TTC34: variants seen among roughly 807,000 people sequenced by gnomAD.
The protein encoded by TTC34 is tetratricopeptide repeat domain 34.
TTC34 carries 44 observed loss-of-function variants against 40.7 expected under a neutral mutation model. The observed-to-expected ratio is 1.08, with a 90% CI of 0.85 to 1.39. The LOEUF is 1.39. Among genes scored for constraint, TTC34 ranks in the 40% most tolerant of loss-of-function variants. The pLI, the probability that TTC34 is intolerant of heterozygous loss-of-function variation, is 0.00. For synonymous variants in TTC34, 422 were observed against 398.6 expected, an observed-to-expected ratio of 1.06 and a Z score of -0.70; for missense variants, 884 against 838.0, an observed-to-expected ratio of 1.05 and a Z score of -0.68.
intron 6 of TTC34, among the ~76,000 whole-genome samples, chr1:2,778,071 C>A (rs1643357504): frequency 6.6e-6 from 1 of 152,208 alleles, no homozygotes. Flanking sequence ...CCCAGGCTGG[C>A]ACAGAAGTCA....
chr1:2,700,664 G>A (rs928464590), intron 6 of TTC34, among the ~76,000 whole-genome samples: 1 of 121,552 alleles, frequency 8.2e-6, no homozygotes, highest in African/African-American at 2.7e-5. Flanking sequence ...CACACCCCAG[G>A]CAAAAATCTG....
intron 6 of TTC34, among the ~76,000 whole-genome samples, chr1:2,685,222 T>G (rs1437232531): frequency 2.4e-5 from 3 of 127,402 alleles, no homozygotes; most frequent in East Asian, 2.5e-4. Context: ...TCTGACATCG[T>G]GGAGCAGCAC....
Position 2,645,346 on chromosome 1 carries a change from T to C in TTC34, c.2444A>G (p.Asp815Gly). 6.6e-7 allele frequency: 1 copy of C among 1,526,002 alleles called. No individual in the cohort carries two copies. The allele number at this position is 1,526,002 out of a possible 1,614,324, so 94.5% of individuals were successfully genotyped here. A position where few individuals can be genotyped will look rare whatever the true frequency, so the allele number is the denominator to read the frequency against. Residue 815 changes from aspartate to glycine, a missense_variant, in exon 7 of 9, where the codon GAC becomes GGC. By Grantham distance (94) the Asp-to-Gly change is moderately conservative (BLOSUM62 -1). Transcript: ENST00000401095. The surrounding 1 kb of genome is among the most constrained non-coding windows in gnomAD (Gnocchi z 4.7). ...GAGGTGCCAGTGCGGTTGCCCTGAGTCGATTTTGATCAGCGCCTCCCCCAC... is the reference window on the plus strand; with the variant it reads ...GAGGTGCCAGTGCGGTTGCCCTGAGCCGATTTTGATCAGCGCCTCCCCCAC...
chr1:2,690,975 C>T lies in TTC34; in HGVS notation c.2227-45412G>A, dbSNP rs1452846587. On this transcript the variant is annotated intron_variant, in intron 6 of 8. Transcript: ENST00000401095. ...AGCATCTGACAGACTGGAACAGCAC[C>T]CACACCCCTAGGAGAGCATCCGGCA... Among the ~76,000 whole-genome samples the T allele has an allele frequency of 7.6e-5, 6 of 78,840 alleles. 1 individual carries two copies. The highest frequency in any genetic ancestry group is 2.5e-4 in the Admixed American group (2 of 8,094). 51.7% of individuals were successfully genotyped at this position (78,840 alleles called of 152,430 possible). A position where few individuals can be genotyped will look rare whatever the true frequency, so the allele number is the denominator to read the frequency against.
chr1:2,761,038 C>A lies in TTC34; in HGVS notation c.2226+22571G>T, dbSNP rs1641670186. On this transcript the variant is annotated intron_variant, in intron 6 of 8. Transcript: ENST00000401095. ...AGCATATGACCACCTGGAGCAGCAC[C>A]CACAGTCCCAGGTGAGCATCCGAGA... Among the ~76,000 whole-genome samples, 2 of 73,130 alleles carry A rather than the reference C, an allele frequency of 2.7e-5. 1 individual carries two copies. Among genetic ancestry groups the A allele is most frequent in the South Asian group, 1.3e-3 (2 of 1,482 alleles). 48.0% of individuals were successfully genotyped at this position (73,130 alleles called of 152,430 possible).
At chr1:2,655,013 C>T (rs565699619) in intron 6 of TTC34, among the ~76,000 whole-genome samples, 3 of 114,536 alleles carry the variant, frequency 2.6e-5, no homozygotes, top group African/African-American at 9.3e-5. Context: ...GCTCTCACAA[C>T]CCCAGGTGAG....
In TTC34 at chr1:2,645,587, G is replaced by GCCCCC; in HGVS notation, c.2227-25_2227-24insGGGGG. ...TCCTGCAAGGAGGGAGGGCGGGCGG[G>GCCCCC]TGCAGAGTTGTCCTAAGTAGAGAAA... On this transcript the variant is annotated intron_variant, in intron 6 of 8. Transcript: ENST00000401095. This position sits in a 1 kb window ranked among gnomAD's most constrained non-coding sequence, Gnocchi z 4.7. 5.7e-5 allele frequency: 13 copies of GCCCCC among 229,500 alleles called. No homozygotes were observed. The highest frequency in any genetic ancestry group is 9.4e-5 in the Non-Finnish European group (11 of 116,432). 14.2% of individuals were successfully genotyped at this position (229,500 alleles called of 1,614,324 possible). A position where few individuals can be genotyped will look rare whatever the true frequency, so the allele number is the denominator to read the frequency against.
intron 6 of TTC34, among the ~76,000 whole-genome samples, chr1:2,675,512 GCACCCTGCACCCCCAGGTGCGCACGTGAC>G (rs1639876570): frequency 9.1e-6 from 1 of 110,008 alleles, no homozygotes; most frequent in African/African-American, 3.2e-5. Flanking sequence ...GCCTGCAACA[GCACCCTGCACCCCCAGGTGCGCACGTGAC>G]AGCCTGGAAG....
At chr1:2,779,702 A>C in intron 6 of TTC34, among the ~76,000 whole-genome samples, 1 of 152,138 alleles carries the variant, frequency 6.6e-6, no homozygotes, top group Non-Finnish European at 1.5e-5. Flanking sequence ...TCCCACCAAT[A>C]GTGCAGAAGG....
At chr1:2,749,057 C>CCT (rs1641234689) in intron 6 of TTC34, among the ~76,000 whole-genome samples, 2 of 10,264 alleles carry the variant, frequency 1.9e-4, no homozygotes, top group African/African-American at 6.3e-4. Flanking sequence ...GGTGAGAATC[C>CCT]GACAGCCTGG....
chr1:2,683,291 G>T (rs1425038977), intron 6 of TTC34, among the ~76,000 whole-genome samples: 3 of 149,744 alleles, frequency 2.0e-5, no homozygotes, highest in African/African-American at 4.9e-5. Flanking sequence ...GCATCTGACA[G>T]CCTGGAACAG....
At chr1:2,684,324 G>A in intron 6 of TTC34, among the ~76,000 whole-genome samples, 1 of 138,186 alleles carries the variant, frequency 7.2e-6, no homozygotes. Flanking sequence ...ACCCCCAAGT[G>A]AGCATCTGAT....
intron 6 of TTC34, among the ~76,000 whole-genome samples, chr1:2,695,133 AGCGTGGAACAGCACCCTGCACC>A (rs1640803145): frequency 8.6e-6 from 1 of 115,996 alleles, no homozygotes; most frequent in Non-Finnish European, 1.9e-5. Flanking sequence ...AGCATCTGAC[AGCGTGGAACAGCACCCTGCACC>A]CCCAGGAGAG....
chr1:2,683,822 C>T (rs1358591951), intron 6 of TTC34, among the ~76,000 whole-genome samples: 1 of 148,476 alleles, frequency 6.7e-6, no homozygotes, highest in Non-Finnish European at 1.5e-5. Flanking sequence ...CAGCCGGGAA[C>T]AGCACCCACA....
chr1:2,692,648 T>C (rs1640678929), intron 6 of TTC34, among the ~76,000 whole-genome samples: 1 of 138,902 alleles, frequency 7.2e-6, no homozygotes. Context: ...TCTGACATCG[T>C]GGAGCAGCAC....
rs1432500845 is a variant in TTC34 at position 2,751,170 on chromosome 1, C to T, written c.2226+32439G>A. Among the ~76,000 whole-genome samples the T allele has an allele frequency of 2.1e-4, 15 of 72,642 alleles. 3 individuals carry two copies. Among genetic ancestry groups the T allele is most frequent in the Non-Finnish European group, 3.6e-4 (13 of 36,466 alleles). The allele number at this position is 72,642 out of a possible 152,430, so 47.7% of individuals were successfully genotyped here. A position where few individuals can be genotyped will look rare whatever the true frequency, so the allele number is the denominator to read the frequency against. ...ACACCCTGGAGCAGCACGCACATCCCCAGGCGAGCATCCGACAGCCTGGAG... is the reference window on the plus strand; with the variant it reads ...ACACCCTGGAGCAGCACGCACATCCTCAGGCGAGCATCCGACAGCCTGGAG... On this transcript the variant is annotated intron_variant, in intron 6 of 8. Coordinates refer to ENST00000401095, the Ensembl canonical transcript of TTC34.
chr1:2,682,099 A>AC (rs1640107345), intron 6 of TTC34, among the ~76,000 whole-genome samples: 1 of 133,678 alleles, frequency 7.5e-6, no homozygotes, highest in African/African-American at 2.8e-5. Context: ...CTGGAGCAGC[A>AC]CCCACACCCC....
At chr1:2,653,651 C>CCAGGTGAGCATCTGATAG (rs1639232071) in intron 6 of TTC34, among the ~76,000 whole-genome samples, 1 of 95,106 alleles carries the variant, frequency 1.1e-5, no homozygotes, top group South Asian at 2.9e-4. Context: ...CATCCACACC[C>CCAGGTGAGCATCTGATAG]CCAGGCGAGC....
intron 6 of TTC34, among the ~76,000 whole-genome samples, chr1:2,752,758 GGA>G (rs1641365856): frequency 8.2e-6 from 1 of 122,340 alleles, no homozygotes; most frequent in African/African-American, 3.5e-5. Flanking sequence ...CTGACAGCGT[GGA>G]ACAGCACCCA....
Sources: gnomAD v4.1 joint callset for allele counts (sites outside exome capture counted in the v4.1 genomes callset) on GRCh38, gnomAD v4.1.1 for gene constraint, Gnocchi (gnomAD v3.1) non-coding constraint, MANE v1.5 for transcripts, NCBI Gene and HGNC (gene_info 2026-07-23, HGNC 2026-07-21) for gene names.